Variants in NOCT observed in about 807,000 individuals in gnomAD.
NOCT encodes CCR4 carbon catabolite repression 4-like.
A neutral mutation model predicts 35.0 loss-of-function variants in NOCT; 18 were observed. That is an observed-to-expected ratio of 0.51 (90% CI 0.36 to 0.76). The LOEUF is 0.76. Among genes scored for constraint, NOCT ranks in the 30% least tolerant of loss-of-function variants. The probability of loss-of-function intolerance (pLI) is 0.01; values close to 1 mark genes in which losing one functional copy is unlikely to be tolerated. For synonymous variants in NOCT, 235 were observed against 226.3 expected (o/e 1.04, Z -0.34); for missense variants, 479 against 541.0 (o/e 0.89, Z 1.14).
At chr4:139,023,621 G>C (rs765997527) in intron 1 of NOCT, among the ~76,000 whole-genome samples, 1 of 152,028 alleles carries the variant, frequency 6.6e-6, no homozygotes, top group Non-Finnish European at 1.5e-5. Context: ...TCAGCCTCCC[G>C]AGTAGCTGGG....
chr4:139,015,951 G>T lies in NOCT; in HGVS notation c.-31G>T, dbSNP rs1044395574. 1.8e-5 allele frequency: 23 copies of T among 1,313,960 alleles called. No homozygotes were observed. Among genetic ancestry groups the T allele is most frequent in the Non-Finnish European group, 2.0e-5 (21 of 1,035,450 alleles). 81.4% of individuals were successfully genotyped at this position (1,313,960 alleles called of 1,614,324 possible). A position where few individuals can be genotyped will look rare whatever the true frequency, so the allele number is the denominator to read the frequency against. ...CAGCCGGGCTCCGCTCCTCGGGCGC[G>T]CGAGGGGCCGTGGTGGCGGCGGCGC... On this transcript the variant is annotated 5_prime_UTR_variant, in exon 1 of 3. Coordinates refer to ENST00000280614, the MANE Select transcript of NOCT (RefSeq NM_012118.4).
At chr4:139,037,167 G>A (rs569685502) in intron 1 of NOCT, among the ~76,000 whole-genome samples, 1 of 152,170 alleles carries the variant, frequency 6.6e-6, no homozygotes, top group Admixed American at 6.5e-5. Context: ...AAGGTCTAAG[G>A]GGACAGAGAC....
Position 139,039,170 on chromosome 4 carries a change from C to CAAAAAAAAAAAAAAAAAAAAAAA in NOCT, c.191-3887_191-3886insAAAAAAAAAAAAAAAAAAAAAAA, listed in dbSNP as rs59445691. On this transcript the variant is annotated intron_variant, in intron 1 of 2. Transcript: ENST00000280614. ...GGGCAACACAGTGAAGACTCCATTTCAAAAAAAAAAAAAAAAAGCCATTCT... is the reference window on the plus strand; with the variant it reads ...GGGCAACACAGTGAAGACTCCATTTCAAAAAAAAAAAAAAAAAAAAAAAAAAAAAAAAAAAAAAAAGCCATTCT... 1.3e-4 allele frequency among the ~76,000 whole-genome samples: 12 copies of CAAAAAAAAAAAAAAAAAAAAAAA among 91,366 alleles called. 1 individual carries two copies. Among genetic ancestry groups the CAAAAAAAAAAAAAAAAAAAAAAA allele is most frequent in the African/African-American group, 5.2e-4 (12 of 23,114 alleles). 59.9% of individuals were successfully genotyped at this position (91,366 alleles called of 152,430 possible).
intron 1 of NOCT, among the ~76,000 whole-genome samples, chr4:139,042,686 C>T (rs543466355): frequency 3.9e-5 from 6 of 152,152 alleles, no homozygotes; most frequent in African/African-American, 1.4e-4. Context: ...GAGGCCGAGG[C>T]GGGCAGATCA....
At chr4:139,022,041 G>C (rs1726425202) in intron 1 of NOCT, among the ~76,000 whole-genome samples, 1 of 152,154 alleles carries the variant, frequency 6.6e-6, no homozygotes, top group African/African-American at 2.4e-5. Flanking sequence ...TTACAGGTGT[G>C]AGCCACCACG....
intron 1 of NOCT, among the ~76,000 whole-genome samples, chr4:139,035,820 G>A (rs988116913): frequency 2.0e-5 from 3 of 151,974 alleles, no homozygotes; most frequent in African/African-American, 7.2e-5. Context: ...TATTCAGACT[G>A]TTCACACCAC....
intron 1 of NOCT, among the ~76,000 whole-genome samples, chr4:139,024,719 G>A (rs1369276665): frequency 1.3e-5 from 2 of 152,150 alleles, no homozygotes; most frequent in Admixed American, 6.5e-5. Flanking sequence ...AGCCTCCCAA[G>A]TAGCTGGGAC....
intron 1 of NOCT, among the ~76,000 whole-genome samples, chr4:139,037,731 A>G (rs1313095492): frequency 6.6e-6 from 1 of 152,150 alleles, no homozygotes; most frequent in Non-Finnish European, 1.5e-5. Context: ...AAAGAGAAGT[A>G]AGCAGATCTT....
intron 1 of NOCT, among the ~76,000 whole-genome samples, chr4:139,042,518 G>A (rs549047718): frequency 3.0e-4 from 45 of 152,300 alleles, no homozygotes; most frequent in African/African-American, 1.1e-3. Flanking sequence ...TTAAAAGGAT[G>A]AGTTTTCATT....
At chr4:139,033,434 G>A (rs1726663714) in intron 1 of NOCT, among the ~76,000 whole-genome samples, 1 of 152,052 alleles carries the variant, frequency 6.6e-6, no homozygotes, top group African/African-American at 2.4e-5. Flanking sequence ...ACTTTGAGAG[G>A]CTGAGCTGAG....
At chr4:139,033,701 A>G (rs1726667490) in intron 1 of NOCT, among the ~76,000 whole-genome samples, 1 of 151,438 alleles carries the variant, frequency 6.6e-6, no homozygotes, top group Non-Finnish European at 1.5e-5. Context: ...GGGGGAATGT[A>G]AAGTTGTTTT....
At chr4:139,028,013 C>T (rs900071843) in intron 1 of NOCT, 13 of 152,242 alleles carry the variant, frequency 8.5e-5, no homozygotes, top group South Asian at 2.1e-4. Flanking sequence ...CAGCAGAAGG[C>T]GCCTTATAGT....
At chr4:139,017,377 G>T (rs1008243178) in intron 1 of NOCT, among the ~76,000 whole-genome samples, 6 of 151,132 alleles carry the variant, frequency 4.0e-5, no homozygotes, top group African/African-American at 1.5e-4. Flanking sequence ...ACAGGCATGC[G>T]CCACCGCGCC....
intron 1 of NOCT, among the ~76,000 whole-genome samples, chr4:139,041,287 T>G (rs928158918): frequency 1.3e-5 from 2 of 152,242 alleles, no homozygotes; most frequent in African/African-American, 4.8e-5. Flanking sequence ...GTGAATTTGA[T>G]TGACTGCTAG....
intron 1 of NOCT, among the ~76,000 whole-genome samples, chr4:139,037,981 C>T (rs767792888): frequency 7.9e-5 from 12 of 151,410 alleles, no homozygotes; most frequent in Non-Finnish European, 1.6e-4. Flanking sequence ...GTGGGTGGAT[C>T]ACTTGAGGTC....
chr4:139,023,620 C>T (rs1215580452), intron 1 of NOCT, among the ~76,000 whole-genome samples: 1 of 152,094 alleles, frequency 6.6e-6, no homozygotes, highest in Non-Finnish European at 1.5e-5. Flanking sequence ...CTCAGCCTCC[C>T]GAGTAGCTGG....
At chr4:139,021,084 A>C (rs992235206) in intron 1 of NOCT, among the ~76,000 whole-genome samples, 1 of 151,758 alleles carries the variant, frequency 6.6e-6, no homozygotes, top group Non-Finnish European at 1.5e-5. Flanking sequence ...AAAAAAAAAA[A>C]AAAAAGGATC....
intron 1 of NOCT, among the ~76,000 whole-genome samples, chr4:139,040,863 T>C (rs1560734190): frequency 5.9e-5 from 9 of 152,174 alleles, no homozygotes; most frequent in Admixed American, 5.9e-4. Flanking sequence ...ACTTGGATGT[T>C]TGGCTGTTTT....
At chr4:139,044,272 TAATACTTGGTGTTA>T (rs1726893983) in intron 2 of NOCT, among the ~76,000 whole-genome samples, 1 of 151,962 alleles carries the variant, frequency 6.6e-6, no homozygotes, top group Non-Finnish European at 1.5e-5. Context: ...GGGTTAAAAC[TAATACTTGGTGTTA>T]AATATTTGGT....
Sources: allele counts gnomAD v4.1 joint callset (sites outside exome capture counted in the v4.1 genomes callset), GRCh38; gene constraint gnomAD v4.1.1; transcripts MANE v1.5; gene names NCBI Gene and HGNC (gene_info 2026-07-23, HGNC 2026-07-21).